Variants in SLIT2 observed in about 807,000 individuals in gnomAD.
SLIT2 encodes slit guidance ligand 2.
In SLIT2, 41 loss-of-function variants were observed where a neutral mutation model predicts 185.7. That is an observed-to-expected ratio of 0.22 (90% CI 0.17 to 0.29). The LOEUF is 0.29. Ranked by LOEUF, SLIT2 falls within the 10% of genes least tolerant of loss-of-function variation. The probability of loss-of-function intolerance (pLI) is 1.00; values close to 1 mark genes in which losing one functional copy is unlikely to be tolerated. For synonymous variants in SLIT2, 693 were observed against 680.2 expected, an observed-to-expected ratio of 1.02 and a Z score of -0.29; for missense variants, 1,571 against 1,909.0, an observed-to-expected ratio of 0.82 and a Z score of 3.30.
chr4:20,472,294 A>ATATC (rs377119024), intron 5 of SLIT2, among the ~76,000 whole-genome samples: 3 of 37,240 alleles, frequency 8.1e-5, no homozygotes, highest in African/African-American at 3.3e-4. Context: ...ATAGATATAT[A>ATATC]GATATATAGA....
At chr4:20,303,601 G>A (rs1318518987) in intron 4 of SLIT2, among the ~76,000 whole-genome samples, 1 of 152,126 alleles carries the variant, frequency 6.6e-6, no homozygotes, top group African/African-American at 2.4e-5. Flanking sequence ...GTGTGGCCAT[G>A]AGCATGGTGG....
At chr4:20,446,236 A>G (rs192528412) in intron 4 of SLIT2, among the ~76,000 whole-genome samples, 3 of 152,224 alleles carry the variant, frequency 2.0e-5, no homozygotes, top group Admixed American at 6.5e-5. Context: ...AATTGTTAAC[A>G]ACAGAGCTCA....
rs753627751 is a variant in SLIT2, at chr4:20,467,782, C to A, written c.426C>A (p.Ile142=). Residue 142 remains isoleucine (I), a synonymous_variant, in exon 5 of 37, where the codon ATC becomes ATA. Coordinates refer to ENST00000504154, the MANE Select transcript of SLIT2 (RefSeq NM_004787.4). The stretch of plus-strand genomic sequence containing the variant: ...TCAGTGAAAACCAAATTCAGGCAAT[C>A]CCAAGGAAAGCTTTCCGTGGGGCAG... The part of the protein sequence containing the change: ...LDLSENQIQA[I]PRKAFRGAVD... 5.6e-6 allele frequency: 9 copies of A among 1,597,478 alleles called. No individual in the cohort carries two copies. Among genetic ancestry groups the A allele is most frequent in the Non-Finnish European group, 7.7e-6 (9 of 1,170,786 alleles).
intron 4 of SLIT2, among the ~76,000 whole-genome samples, chr4:20,433,662 T>C (rs1415168522): frequency 1.3e-5 from 2 of 152,198 alleles, no homozygotes; most frequent in Non-Finnish European, 2.9e-5. Context: ...TTCAGGGCCA[T>C]GTTCTGTTGG....
At chr4:20,491,341 T>C (rs1345152635) in intron 8 of SLIT2, among the ~76,000 whole-genome samples, 1 of 152,214 alleles carries the variant, frequency 6.6e-6, no homozygotes, top group Non-Finnish European at 1.5e-5. Flanking sequence ...TGTTTTCTTT[T>C]TTAAAAGAAA....
Position 20,484,837 on chromosome 4 carries a change from C to T in SLIT2, c.540-1363C>T, listed in dbSNP as rs966499434. On this transcript the variant is annotated intron_variant, in intron 6 of 36. Coordinates refer to ENST00000504154, the MANE Select transcript of SLIT2 (RefSeq NM_004787.4). The surrounding 1 kb of genome is among the most constrained non-coding windows in gnomAD (Gnocchi z 4.3). The stretch of plus-strand genomic sequence containing the variant: ...GTAGTCCATTGGAGCTGGAGATTAT[C>T]TGCCACAAGAGAGACTATCATTGCT... Among the ~76,000 whole-genome samples the T allele has an allele frequency of 1.3e-5, 2 of 152,158 alleles. No homozygotes were observed. The highest frequency in any genetic ancestry group is 4.8e-5 in the African/African-American group (2 of 41,452).
At chr4:20,352,821 G>A (rs763806026) in intron 4 of SLIT2, among the ~76,000 whole-genome samples, 40 of 152,126 alleles carry the variant, frequency 2.6e-4, no homozygotes, top group Non-Finnish European at 5.3e-4. Flanking sequence ...GCTGAGGTGG[G>A]AGAATCGCTT....
At chr4:20,594,193 A>G (rs1174242759) in intron 30 of SLIT2, among the ~76,000 whole-genome samples, 1 of 150,076 alleles carries the variant, frequency 6.7e-6, no homozygotes, top group Non-Finnish European at 1.5e-5. Context: ...GTGTGTATAT[A>G]CATATGTATG....
intron 9 of SLIT2, among the ~76,000 whole-genome samples, chr4:20,504,152 T>A (rs2148816939): frequency 6.6e-6 from 1 of 152,288 alleles, no homozygotes; most frequent in East Asian, 1.9e-4. Flanking sequence ...ATAGGCAAGA[T>A]AATCCTTAAC....
At chr4:20,500,237 A>G (rs765767419) in intron 9 of SLIT2, among the ~76,000 whole-genome samples, 3 of 152,226 alleles carry the variant, frequency 2.0e-5, no homozygotes, top group Non-Finnish European at 2.9e-5. Flanking sequence ...AAATATTTTA[A>G]AACATAAACA....
At chr4:20,279,176 G>A (rs755900366) in intron 4 of SLIT2, among the ~76,000 whole-genome samples, 2 of 152,102 alleles carry the variant, frequency 1.3e-5, no homozygotes, top group African/African-American at 2.4e-5. Flanking sequence ...ATGTATTGAG[G>A]TTGGGAAATA....
chr4:20,307,871 C>T (rs1717731100), intron 4 of SLIT2, among the ~76,000 whole-genome samples: 1 of 152,068 alleles, frequency 6.6e-6, no homozygotes, highest in Non-Finnish European at 1.5e-5. Flanking sequence ...GATTTGAGAC[C>T]CACTGCCTGT....
intron 4 of SLIT2, among the ~76,000 whole-genome samples, chr4:20,417,003 G>A (rs893721265): frequency 7.0e-6 from 1 of 141,928 alleles, no homozygotes; most frequent in Admixed American, 7.2e-5. Context: ...ACATTTAAAT[G>A]TGACCACAGG....
At chr4:20,437,911 T>C (rs1427438370) in intron 4 of SLIT2, among the ~76,000 whole-genome samples, 1 of 94,416 alleles carries the variant, frequency 1.1e-5, no homozygotes, top group Non-Finnish European at 2.0e-5. Flanking sequence ...CGAGACTCCG[T>C]CTCAAAAAAA....
At chr4:20,273,679 T>A (rs1213358021) in intron 4 of SLIT2, among the ~76,000 whole-genome samples, 2 of 152,168 alleles carry the variant, frequency 1.3e-5, no homozygotes, top group African/African-American at 4.8e-5. Flanking sequence ...AAGCAAAATA[T>A]ACCTTAATTT....
chr4:20,420,953 C>T (rs1728128543), intron 4 of SLIT2, among the ~76,000 whole-genome samples: 1 of 152,128 alleles, frequency 6.6e-6, no homozygotes, highest in African/African-American at 2.4e-5. Flanking sequence ...GACTTCTTAG[C>T]CTCCAGAACT....
chr4:20,386,906 T>A (rs1724975816), intron 4 of SLIT2, among the ~76,000 whole-genome samples: 1 of 152,128 alleles, frequency 6.6e-6, no homozygotes, highest in Non-Finnish European at 1.5e-5. Flanking sequence ...GTGGTGGGCT[T>A]TTATTATAGT....
At chr4:20,531,952 T>A in intron 16 of SLIT2, 32 bp from the exon 17 acceptor site, 2 of 1,311,852 alleles carry the variant, frequency 1.5e-6, no homozygotes, top group Non-Finnish European at 2.1e-6. Context: ...CTATTGGTAA[T>A]AAAACTTCTC....
At chr4:20,259,420 G>C (rs1368611147) in intron 3 of SLIT2, among the ~76,000 whole-genome samples, 2 of 151,572 alleles carry the variant, frequency 1.3e-5, no homozygotes, top group African/African-American at 2.4e-5. Context: ...ATAACTTTTA[G>C]TCACCACAGG....
Sources: allele counts gnomAD v4.1 joint callset (sites outside exome capture counted in the v4.1 genomes callset), GRCh38; gene constraint gnomAD v4.1.1; non-coding constraint Gnocchi (gnomAD v3.1); transcripts MANE v1.5; gene names NCBI Gene and HGNC (gene_info 2026-07-23, HGNC 2026-07-21).